Variants in CTNNA3 observed in about 807,000 individuals in gnomAD.
CTNNA3 encodes catenin alpha 3, also known as catenin alpha-3.
A neutral mutation model predicts 95.7 loss-of-function variants in CTNNA3; 76 were observed. That is an observed-to-expected ratio of 0.79 (90% CI 0.66 to 0.96). CTNNA3 has a LOEUF of 0.96. CTNNA3 is among the 40% of genes least tolerant of loss of function. The pLI, the probability that CTNNA3 is intolerant of heterozygous loss-of-function variation, is 0.00. For missense variants in CTNNA3, 1,191 were observed against 1,089.8 expected (o/e 1.09, Z -1.31); for synonymous variants, 431 against 374.4 (o/e 1.15, Z -1.74).
chr10:67,236,638 G>A (rs540567546), intron 5 of CTNNA3, among the ~76,000 whole-genome samples: 90 of 151,326 alleles, frequency 5.9e-4, no homozygotes, highest in African/African-American at 2.0e-3. Flanking sequence ...TTGTGCACAT[G>A]TACCCTAAAC....
At chr10:66,832,425 C>T (rs963415869) in intron 7 of CTNNA3, among the ~76,000 whole-genome samples, 6 of 151,832 alleles carry the variant, frequency 4.0e-5, no homozygotes, top group Middle Eastern at 6.8e-3. Context: ...TTTGAAGTTC[C>T]GGAAAAAGTT....
intron 13 of CTNNA3, among the ~76,000 whole-genome samples, chr10:66,153,824 G>C (rs2084334260): frequency 6.7e-6 from 1 of 149,424 alleles, no homozygotes; most frequent in African/African-American, 2.5e-5. Context: ...CTCCAAATCT[G>C]CCTCTGATAC....
chr10:66,091,656 A>G (rs946306661), intron 14 of CTNNA3, among the ~76,000 whole-genome samples: 2 of 151,982 alleles, frequency 1.3e-5, no homozygotes, highest in African/African-American at 4.8e-5. Context: ...AAGTAAAGAA[A>G]AAATGGAAAG....
At chr10:66,167,391 AG>A (rs1426854255) in intron 13 of CTNNA3, among the ~76,000 whole-genome samples, 1 of 152,174 alleles carries the variant, frequency 6.6e-6, no homozygotes, top group Non-Finnish European at 1.5e-5. Context: ...GTTTCCTGTG[AG>A]ATTTACAATG....
At chr10:67,693,221 T>A (rs2133593140) in intron 1 of CTNNA3, among the ~76,000 whole-genome samples, 1 of 152,328 alleles carries the variant, frequency 6.6e-6, no homozygotes, top group East Asian at 1.9e-4. Context: ...CTAACAGTCC[T>A]GTTCACCTTC....
intron 15 of CTNNA3, among the ~76,000 whole-genome samples, chr10:66,050,169 T>C (rs976113402): frequency 6.6e-6 from 1 of 151,188 alleles, no homozygotes; most frequent in African/African-American, 2.4e-5. Flanking sequence ...CCTCTGAGAA[T>C]AATTCCCAAA....
intron 12 of CTNNA3, among the ~76,000 whole-genome samples, chr10:66,304,595 T>C (rs1410692584): frequency 1.3e-5 from 2 of 152,174 alleles, no homozygotes; most frequent in Non-Finnish European, 2.9e-5. Flanking sequence ...AAAGCATCTG[T>C]ATCTTGAAAA....
chr10:66,780,242 T>C (rs1840474105), intron 7 of CTNNA3, among the ~76,000 whole-genome samples: 2 of 152,114 alleles, frequency 1.3e-5, no homozygotes, highest in African/African-American at 2.4e-5. Context: ...CAGTCCATTA[T>C]ATCAAACCGG....
intron 12 of CTNNA3, among the ~76,000 whole-genome samples, chr10:66,317,990 C>A (rs899840934): frequency 6.6e-6 from 1 of 151,834 alleles, no homozygotes; most frequent in East Asian, 1.9e-4. Context: ...AAAGACAAAG[C>A]AAAATATGAA....
chr10:66,225,416 T>TAC (rs1203019698), intron 13 of CTNNA3, among the ~76,000 whole-genome samples: 1 of 146,132 alleles, frequency 6.8e-6, no homozygotes, highest in Non-Finnish European at 1.5e-5. Context: ...TATATATATA[T>TAC]ATATATGAAT....
At chr10:66,700,208 T>A (rs1035495205) in intron 9 of CTNNA3, among the ~76,000 whole-genome samples, 1 of 152,182 alleles carries the variant, frequency 6.6e-6, no homozygotes, top group African/African-American at 2.4e-5. Context: ...AATATCATTA[T>A]GAAGGACAAT....
intron 1 of CTNNA3, among the ~76,000 whole-genome samples, chr10:67,670,430 A>G (rs968754552): frequency 6.6e-6 from 1 of 152,264 alleles, no homozygotes; most frequent in African/African-American, 2.4e-5. Flanking sequence ...TTTCCAAAAT[A>G]TAACTGCTAT....
intron 9 of CTNNA3, among the ~76,000 whole-genome samples, chr10:66,696,728 T>G (rs1212752150): frequency 1.3e-5 from 2 of 150,058 alleles, no homozygotes; most frequent in African/African-American, 4.9e-5. Context: ...AGGTCAGGAG[T>G]TCAAGATCAG....
rs1187527574 is a variant in CTNNA3, at chr10:67,539,644, C to G, written c.318G>C (p.Glu106Asp). 1.9e-6 allele frequency: 3 copies of G among 1,613,534 alleles called. No homozygotes were observed. The Admixed American group carries it at 5.0e-5, about 27-fold the overall frequency. Residue 106 changes from glutamate (E) to aspartate (D), a missense_variant, in exon 4 of 18, where the codon GAG becomes GAC. Glu to Asp is a conservative substitution (Grantham distance 45). Coordinates refer to ENST00000433211, the MANE Select transcript of CTNNA3 (RefSeq NM_013266.4). ...GAAAACAGGGGTCATCTGTAAATCTCTCAGCTGATACTTTCAGAGCTTCAC... is the reference window on the plus strand; with the variant it reads ...GAAAACAGGGGTCATCTGTAAATCTGTCAGCTGATACTTTCAGAGCTTCAC... ...KESEALKVSA[E>D]RFTDDPCFLP... is the part of the protein sequence containing the mutation.
intron 5 of CTNNA3, among the ~76,000 whole-genome samples, chr10:67,342,662 C>G (rs1339323576): frequency 1.3e-5 from 2 of 152,122 alleles, no homozygotes; most frequent in African/African-American, 4.8e-5. Context: ...ACATGGATAT[C>G]CAGTTTTCCC....
intron 17 of CTNNA3, among the ~76,000 whole-genome samples, chr10:65,951,577 A>C (rs2077613290): frequency 6.6e-6 from 1 of 152,104 alleles, no homozygotes; most frequent in Non-Finnish European, 1.5e-5. Flanking sequence ...TTAGCTCTTG[A>C]TGTATGTAGC....
intron 7 of CTNNA3, among the ~76,000 whole-genome samples, chr10:67,005,017 CATAGAG>C (rs774488306): frequency 1.5e-3 from 224 of 152,140 alleles, no homozygotes; most frequent in Non-Finnish European, 2.8e-3. Context: ...AAGGTAGTTT[CATAGAG>C]ATAATCACAA....
intron 13 of CTNNA3, among the ~76,000 whole-genome samples, chr10:66,253,220 A>C (rs1463446919): frequency 6.6e-6 from 1 of 152,192 alleles, no homozygotes; most frequent in East Asian, 1.9e-4. Context: ...CTGGTGGAAC[A>C]ATTTTGATCA....
intron 6 of CTNNA3, among the ~76,000 whole-genome samples, chr10:67,186,383 C>A (rs561857538): frequency 6.6e-6 from 1 of 152,296 alleles, no homozygotes; most frequent in South Asian, 2.1e-4. Flanking sequence ...CAAACTATCT[C>A]AGCATTTGGA....
Sources: allele counts gnomAD v4.1 joint callset (sites outside exome capture counted in the v4.1 genomes callset), GRCh38; gene constraint gnomAD v4.1.1; transcripts MANE v1.5; gene names NCBI Gene and HGNC (gene_info 2026-07-23, HGNC 2026-07-21).